TRHDE: variants seen among roughly 807,000 people sequenced by gnomAD.
The protein encoded by TRHDE is thyrotropin-releasing hormone-degrading ectoenzyme.
Under a neutral mutation model 125.7 loss-of-function variants are expected in TRHDE, and 72 were observed. The ratio of observed to expected loss-of-function variants is 0.57; its 90% CI spans 0.47 to 0.70. The LOEUF (loss-of-function observed/expected upper bound fraction) is 0.70. Ranked by LOEUF, TRHDE falls within the 30% of genes least tolerant of loss-of-function variation. The pLI, the probability that TRHDE is intolerant of heterozygous loss-of-function variation, is 0.00. For synonymous variants in TRHDE, 509 were observed against 509.1 expected (o/e 1.00, Z 0.00); for missense variants, 1,110 against 1,327.1 (o/e 0.84, Z 2.54).
chr12:72,562,355 C>T, intron 8 of TRHDE, 125 bp downstream of exon 8: 1 of 491,964 alleles, frequency 2.0e-6, no homozygotes, highest in Admixed American at 3.7e-5. Context: ...TTCATTTGTT[C>T]ATATTGATTT....
At chr12:72,297,412 T>C (rs1880341903) in intron 2 of TRHDE, among the ~76,000 whole-genome samples, 3 of 152,158 alleles carry the variant, frequency 2.0e-5, no homozygotes, top group Admixed American at 1.3e-4. Flanking sequence ...AAGCCTGTTA[T>C]TGCAAAATTG....
Position 72,575,510 on chromosome 12 carries a change from G to A in TRHDE, c.2289G>A (p.Ala763=), listed in dbSNP as rs763469970. 2.3e-5 allele frequency: 37 copies of A among 1,613,352 alleles called. No individual in the cohort carries two copies. Among genetic ancestry groups the A allele is most frequent in the East Asian group, 1.3e-4 (6 of 44,856 alleles). Residue 763 remains alanine (A), a synonymous_variant, in exon 12 of 19, where the codon GCG becomes GCA. Coordinates refer to ENST00000261180, the MANE Select transcript of TRHDE (RefSeq NM_013381.3). ...AGGTTCTTTCTGTCAGTAACCGAGC[G>A]GGCTTGATCGATGATGCCTTCAGCC... The part of the protein sequence containing the change: ...NHEVLSVSNR[A]GLIDDAFSLA...
At chr12:72,546,119 C>T (rs926943103) in intron 7 of TRHDE, among the ~76,000 whole-genome samples, 1 of 151,678 alleles carries the variant, frequency 6.6e-6, no homozygotes, top group East Asian at 1.9e-4. Flanking sequence ...CTTCATCCTA[C>T]ACTTTCCTTG....
upstream of TRHDE, among the ~76,000 whole-genome samples, chr12:72,269,537 T>TA (rs1264016108): frequency 2.6e-5 from 4 of 152,066 alleles, no homozygotes; most frequent in African/African-American, 9.7e-5. Flanking sequence ...ATAAACACAT[T>TA]AGTGAAATAC....
At chr12:72,570,086 T>C (rs1461371624) in intron 10 of TRHDE, among the ~76,000 whole-genome samples, 1 of 152,164 alleles carries the variant, frequency 6.6e-6, no homozygotes, top group Non-Finnish European at 1.5e-5. Flanking sequence ...CTTTGGAAGG[T>C]AGAATGGAAA....
chr12:72,099,198 A>G (rs551587980), intron 1 of TRHDE, among the ~76,000 whole-genome samples: 3 of 152,226 alleles, frequency 2.0e-5, no homozygotes, highest in African/African-American at 7.2e-5. Flanking sequence ...TTAAACCATT[A>G]AATTTTTTTG....
intron 2 of TRHDE, among the ~76,000 whole-genome samples, chr12:72,330,317 A>G (rs915208928): frequency 6.9e-6 from 1 of 145,354 alleles, no homozygotes; most frequent in African/African-American, 2.6e-5. Context: ...TAAAAAATAA[A>G]GGCAAAGAAA....
intron 2 of TRHDE, among the ~76,000 whole-genome samples, chr12:72,210,423 AAAG>A: frequency 6.6e-6 from 1 of 152,160 alleles, no homozygotes; most frequent in Non-Finnish European, 1.5e-5. Flanking sequence ...AGTGAAAAGG[AAAG>A]AAAGGTTAGG....
At chr12:72,433,226 T>C (rs1874576587) in intron 3 of TRHDE, among the ~76,000 whole-genome samples, 1 of 152,174 alleles carries the variant, frequency 6.6e-6, no homozygotes, top group Non-Finnish European at 1.5e-5. Context: ...ATTTTTTTTG[T>C]CTATACTCAT....
intron 2 of TRHDE, among the ~76,000 whole-genome samples, chr12:72,372,400 C>T (rs563762106): frequency 4.2e-4 from 64 of 152,174 alleles, no homozygotes; most frequent in African/African-American, 1.5e-3. Flanking sequence ...TTAATTAGAT[C>T]CCATTTGTCA....
intron 6 of TRHDE, among the ~76,000 whole-genome samples, chr12:72,530,544 T>A (rs1312124808): frequency 1.4e-5 from 2 of 146,024 alleles, no homozygotes; most frequent in Non-Finnish European, 3.0e-5. Context: ...TTCTTCAGGT[T>A]TTTTTTTTTC....
rs1330602213 is a variant in TRHDE at position 72,286,840 on chromosome 12, A to C, written c.1074A>C (p.Glu358Asp). Residue 358 changes from glutamate to aspartate, a missense_variant, in exon 2 of 19, where the codon GAA becomes GAC. This residue lies in a region of TRHDE where 252 missense variants were observed against 274.8 expected (regional missense o/e 0.92). Transcript: ENST00000261180. ...CAGTGGAAACTTCCGTGTTTGAGGAAGATGGATGGGTTACGGATCACTTTT... is the reference window on the plus strand; with the variant it reads ...CAGTGGAAACTTCCGTGTTTGAGGACGATGGATGGGTTACGGATCACTTTT... ...NMPVETSVFE[E>D]DGWVTDHFSQ... The C allele has an allele frequency of 6.2e-7, 1 of 1,613,984 alleles. No homozygotes were observed.
At chr12:72,650,639 T>C (rs977973896) in intron 15 of TRHDE, among the ~76,000 whole-genome samples, 1 of 152,104 alleles carries the variant, frequency 6.6e-6, no homozygotes, top group African/African-American at 2.4e-5. Context: ...ATGCTTAATA[T>C]TAAGGAAATG....
rs1874879526 is a variant in TRHDE, at chr12:72,439,116, G to A, written c.1316-30642G>A. 2.0e-5 allele frequency among the ~76,000 whole-genome samples: 3 copies of A among 151,952 alleles called. No homozygotes were observed. In the South Asian group the frequency reaches 6.2e-4, roughly 31 times the overall value. On this transcript the variant is annotated intron_variant, in intron 3 of 18. Transcript: ENST00000261180. ...GAATGTCAGTTGGCTCTGGATGCAT[G>A]CATTTATTTCTGGGCTCTCTCTTCT...
rs143892227 is a variant in TRHDE, at chr12:72,491,270, C to T, written c.1585-8228C>T. Among the ~76,000 whole-genome samples, 668 of 151,786 alleles carry T rather than the reference C, an allele frequency of 4.4e-3. 7 individuals are homozygous for T. Among genetic ancestry groups the T allele is most frequent in the Non-Finnish European group, 4.3e-3 (289 of 67,796 alleles). ...TTATTTGCAGTGATTTTTTGGGCCG[C>T]GAGAATCAGAATGAGCTATGTAATT... On this transcript the variant is annotated intron_variant, in intron 5 of 18. Coordinates refer to ENST00000261180, the MANE Select transcript of TRHDE (RefSeq NM_013381.3).
intron 2 of TRHDE, among the ~76,000 whole-genome samples, chr12:72,319,837 T>G (rs977984478): frequency 2.6e-5 from 4 of 152,146 alleles, no homozygotes; most frequent in Non-Finnish European, 4.4e-5. Flanking sequence ...AAAAAATGTT[T>G]CCTAGAAATC....
intron 2 of TRHDE, among the ~76,000 whole-genome samples, chr12:72,315,444 A>T (rs1868754097): frequency 6.6e-6 from 1 of 152,058 alleles, no homozygotes; most frequent in African/African-American, 2.4e-5. Context: ...CTGTGCCATA[A>T]CTCATGATTT....
At chr12:72,234,946 A>G (rs1878313084) in intron 2 of TRHDE, among the ~76,000 whole-genome samples, 1 of 152,178 alleles carries the variant, frequency 6.6e-6, no homozygotes, top group African/African-American at 2.4e-5. Flanking sequence ...ATCTAATATA[A>G]TACTGATAAC....
chr12:72,505,705 T>C (rs1298127729), intron 6 of TRHDE, among the ~76,000 whole-genome samples: 1 of 152,220 alleles, frequency 6.6e-6, no homozygotes, highest in African/African-American at 2.4e-5. Context: ...GGGACATAAA[T>C]TTTTTAAAAA....
Sources: allele counts gnomAD v4.1 joint callset (sites outside exome capture counted in the v4.1 genomes callset), GRCh38; gene constraint gnomAD v4.1.1; regional missense constraint gnomAD v4.1.1; transcripts MANE v1.5; gene names NCBI Gene and HGNC (gene_info 2026-07-23, HGNC 2026-07-21).